The following CNTN5 variants were observed in gnomAD, a reference collection of about 807,000 sequenced individuals.
CNTN5 encodes contactin-5.
In CNTN5, 77 loss-of-function variants were observed where a neutral mutation model predicts 129.1. That is an observed-to-expected ratio of 0.60 (90% CI 0.50 to 0.72). The LOEUF is 0.72. Ranked by LOEUF, CNTN5 falls within the 30% of genes least tolerant of loss-of-function variation. CNTN5 has a pLI of 0.00. For synonymous variants in CNTN5, 509 were observed against 465.6 expected (o/e 1.09, Z -1.20); for missense variants, 1,478 against 1,328.8 (o/e 1.11, Z -1.75).
intron 2 of CNTN5, among the ~76,000 whole-genome samples, chr11:99,414,062 T>C (rs894556475): frequency 2.6e-5 from 4 of 152,186 alleles, no homozygotes; most frequent in African/African-American, 9.7e-5. Flanking sequence ...GCTTCAGTGA[T>C]CCCAAGTTGT....
intron 1 of CNTN5, among the ~76,000 whole-genome samples, chr11:99,224,929 T>C (rs1860601188): frequency 6.6e-6 from 1 of 152,084 alleles, no homozygotes; most frequent in South Asian, 2.1e-4. Context: ...GGAATGACTT[T>C]AAGACCCAGT....
At chr11:99,849,369 A>G (rs917654953) in intron 6 of CNTN5, among the ~76,000 whole-genome samples, 4 of 151,910 alleles carry the variant, frequency 2.6e-5, no homozygotes, top group African/African-American at 4.8e-5. Context: ...CATAATTAGT[A>G]TATATATACA....
At chr11:100,232,767 T>C (rs1340627257) in intron 16 of CNTN5, among the ~76,000 whole-genome samples, 1 of 152,150 alleles carries the variant, frequency 6.6e-6, no homozygotes, top group Non-Finnish European at 1.5e-5. Flanking sequence ...ACACATCTTT[T>C]TACAGCATAA....
At position 99,616,091 on chromosome 11, in the gene CNTN5, A is replaced by G. The variant is rs377365918; in HGVS notation, c.55+59822A>G. 6.0e-4 allele frequency among the ~76,000 whole-genome samples: 92 copies of G among 152,224 alleles called. 1 individual carries two copies. The South Asian group carries it at 0.018, about 31-fold the overall frequency. On this transcript the variant is annotated intron_variant, in intron 3 of 24. Transcript: ENST00000524871. Reference sequence around the variant, plus strand: ...ATACACTTCTCCATGTAAGCATTGTATGTTTTTAGTTCTGTGCAACTTTAT... The same window carrying G: ...ATACACTTCTCCATGTAAGCATTGTGTGTTTTTAGTTCTGTGCAACTTTAT...
At chr11:99,546,105 A>G (rs1948282375) in intron 2 of CNTN5, among the ~76,000 whole-genome samples, 1 of 152,204 alleles carries the variant, frequency 6.6e-6, no homozygotes, top group Non-Finnish European at 1.5e-5. Context: ...TACTGGGGGC[A>G]TTAGGGAAAT....
At chr11:100,114,240 A>AT (rs1945764867) in intron 13 of CNTN5, among the ~76,000 whole-genome samples, 1 of 152,044 alleles carries the variant, frequency 6.6e-6, no homozygotes, top group South Asian at 2.1e-4. Flanking sequence ...CAGATGAAAC[A>AT]TTTTTTTCTT....
chr11:99,966,417 A>G (rs1332500658), intron 8 of CNTN5, among the ~76,000 whole-genome samples: 1 of 152,186 alleles, frequency 6.6e-6, no homozygotes, highest in Non-Finnish European at 1.5e-5. Flanking sequence ...GATGCATTAC[A>G]GAGATGACCG....
chr11:99,134,604 T>C (rs1319517448), intron 1 of CNTN5, among the ~76,000 whole-genome samples: 3 of 152,204 alleles, frequency 2.0e-5, no homozygotes, highest in Non-Finnish European at 2.9e-5. Flanking sequence ...CTAAGCATCA[T>C]CATGATAAGC....
chr11:100,031,296 G>C (rs371702972), intron 9 of CNTN5, among the ~76,000 whole-genome samples: 1 of 152,174 alleles, frequency 6.6e-6, no homozygotes, highest in Non-Finnish European at 1.5e-5. Context: ...ACAATGCCAG[G>C]TTGGACTGCC....
chr11:99,213,950 G>A (rs915938251), intron 1 of CNTN5, among the ~76,000 whole-genome samples: 2 of 152,092 alleles, frequency 1.3e-5, no homozygotes, highest in African/African-American at 2.4e-5. Flanking sequence ...GATGGATAAT[G>A]TATTTAACTA....
At chr11:100,241,445 G>C (rs555222568) in intron 16 of CNTN5, among the ~76,000 whole-genome samples, 1 of 152,208 alleles carries the variant, frequency 6.6e-6, no homozygotes, top group East Asian at 1.9e-4. Flanking sequence ...GGAAGTGTTT[G>C]TTTTTATAAA....
intron 3 of CNTN5, among the ~76,000 whole-genome samples, chr11:99,666,208 T>A (rs1591446983): frequency 6.6e-6 from 1 of 152,142 alleles, no homozygotes; most frequent in South Asian, 2.1e-4. Context: ...CCTCAGGTGA[T>A]CCGCCTGCCT....
At chr11:99,864,126 T>C (rs1948291103) in intron 6 of CNTN5, among the ~76,000 whole-genome samples, 1 of 152,166 alleles carries the variant, frequency 6.6e-6, no homozygotes, top group South Asian at 2.1e-4. Context: ...TATATAATAG[T>C]ATGAAAATGT....
At chr11:99,602,504 T>A (rs1950345315) in intron 3 of CNTN5, among the ~76,000 whole-genome samples, 1 of 152,264 alleles carries the variant, frequency 6.6e-6, no homozygotes, top group African/African-American at 2.4e-5. Context: ...GGCACATTTC[T>A]GGCTACTTCA....
intron 2 of CNTN5, among the ~76,000 whole-genome samples, chr11:99,412,734 A>G (rs1942456476): frequency 6.6e-6 from 1 of 152,206 alleles, no homozygotes; most frequent in Admixed American, 6.5e-5. Flanking sequence ...GCTTTTCACC[A>G]CAACGTTATA....
At chr11:99,800,762 AT>A (rs1565547146) in intron 3 of CNTN5, among the ~76,000 whole-genome samples, 1 of 151,728 alleles carries the variant, frequency 6.6e-6, no homozygotes, top group Admixed American at 6.6e-5. Flanking sequence ...TTATTTTCTA[AT>A]TGTTTAACCG....
At chr11:99,996,192 A>C (rs547803464) in intron 8 of CNTN5, among the ~76,000 whole-genome samples, 27 of 151,874 alleles carry the variant, frequency 1.8e-4, no homozygotes, top group Non-Finnish European at 3.1e-4. Context: ...TTCAGTTATT[A>C]ATTGGTTTTT....
intron 2 of CNTN5, among the ~76,000 whole-genome samples, chr11:99,502,235 T>G (rs540362780): frequency 6.6e-6 from 1 of 152,332 alleles, no homozygotes; most frequent in East Asian, 1.9e-4. Flanking sequence ...GGGTTCATTT[T>G]ACCTCATTTG....
intron 15 of CNTN5, among the ~76,000 whole-genome samples, chr11:100,212,286 A>T (rs1311560021): frequency 5.9e-5 from 9 of 152,218 alleles, no homozygotes; most frequent in Middle Eastern, 3.4e-3. Context: ...CCATAATGTG[A>T]CTATACTTCA....
Sources: gnomAD v4.1 joint callset for allele counts (sites outside exome capture counted in the v4.1 genomes callset) on GRCh38, gnomAD v4.1.1 for gene constraint, MANE v1.5 for transcripts, NCBI Gene and HGNC (gene_info 2026-07-23, HGNC 2026-07-21) for gene names.